PAK3: variants seen among roughly 807,000 people sequenced by gnomAD.
The protein encoded by PAK3 is serine/threonine-protein kinase PAK 3.
PAK3 carries 4 observed loss-of-function variants against 41.0 expected under a neutral mutation model. That is an observed-to-expected ratio of 0.10 (90% confidence interval 0.05 to 0.22). The LOEUF (loss-of-function observed/expected upper bound fraction) is 0.22. PAK3 is among the 10% of genes least tolerant of loss of function. The pLI, the probability that PAK3 is intolerant of heterozygous loss-of-function variation, is 1.00. For missense variants in PAK3, 205 were observed against 409.9 expected, an observed-to-expected ratio of 0.50 and a Z score of 4.32; for synonymous variants, 146 against 139.6, an observed-to-expected ratio of 1.05 and a Z score of -0.32.
At chrX:110,949,216 T>C (rs1461186956) in intron 1 of PAK3, among the ~76,000 whole-genome samples, 1 of 111,400 alleles carries the variant, frequency 9.0e-6, no homozygotes, top group Admixed American at 9.5e-5. Flanking sequence ...GGCTCTCACA[T>C]TGCAGTTTTA....
intron 11 of PAK3, among the ~76,000 whole-genome samples, chrX:111,178,970 T>TAG (rs1248394866): frequency 6.0e-5 from 5 of 82,916 alleles, no homozygotes; most frequent in African/African-American, 5.0e-4. Flanking sequence ...TATATATATA[T>TAG]ATATATATAT....
intron 4 of PAK3, among the ~76,000 whole-genome samples, chrX:111,107,369 A>C (rs890747092): frequency 8.9e-6 from 1 of 112,451 alleles, no homozygotes; most frequent in African/African-American, 3.2e-5. Context: ...CTGAAATTTC[A>C]ACAGCTGTTA....
At chrX:111,154,129 A>T (rs1230756318) in intron 8 of PAK3, among the ~76,000 whole-genome samples, 1 of 111,668 alleles carries the variant, frequency 9.0e-6, no homozygotes, top group Non-Finnish European at 1.9e-5. Context: ...ACTAGTTGCC[A>T]GGAGCTGGGA....
intron 1 of PAK3, among the ~76,000 whole-genome samples, chrX:111,027,313 A>T (rs939034044): frequency 1.3e-4 from 15 of 112,350 alleles, no homozygotes; most frequent in African/African-American, 4.5e-4. Flanking sequence ...AAAGATAAAT[A>T]GATGGGACTT....
chrX:111,000,476 G>A (rs1448767067), intron 1 of PAK3, among the ~76,000 whole-genome samples: 3 of 112,148 alleles, frequency 2.7e-5, no homozygotes, highest in Non-Finnish European at 3.8e-5. Flanking sequence ...GACAAAGGTT[G>A]AGGAAGCATC....
At chrX:111,125,230 G>A (rs971576594) in intron 5 of PAK3, among the ~76,000 whole-genome samples, 2 of 111,826 alleles carry the variant, frequency 1.8e-5, no homozygotes, top group Admixed American at 1.9e-4. Context: ...AACAGAGCCT[G>A]TCATTAATGT....
chrX:111,194,599 C>T (rs1419532578), intron 14 of PAK3, among the ~76,000 whole-genome samples, 181 bp downstream of exon 14: 1 of 111,784 alleles, frequency 8.9e-6, no homozygotes, highest in Non-Finnish European at 1.9e-5. Flanking sequence ...CATCACCCTC[C>T]TGAGCCTCTT....
intron 16 of PAK3, among the ~76,000 whole-genome samples, chrX:111,215,494 C>T (rs748321535): frequency 1.8e-5 from 2 of 110,685 alleles, no homozygotes; most frequent in Admixed American, 9.6e-5. Context: ...GAACTGAGAT[C>T]GTGCCCCGCA....
At chrX:111,086,990 C>A (rs1408021869) in intron 1 of PAK3, among the ~76,000 whole-genome samples, 15 of 111,096 alleles carry the variant, frequency 1.4e-4, no homozygotes, top group Non-Finnish European at 2.8e-4. Context: ...TGTTAGCGTA[C>A]TCTCCTAGCA....
intron 1 of PAK3, among the ~76,000 whole-genome samples, chrX:111,064,686 C>T (rs1363948412): frequency 3.6e-5 from 4 of 112,259 alleles, no homozygotes; most frequent in Admixed American, 1.9e-4. Flanking sequence ...TTTCTTTATC[C>T]AATCCACCAT....
chrX:110,966,134 TA>T (rs2091076607), intron 1 of PAK3, among the ~76,000 whole-genome samples: 1 of 112,121 alleles, frequency 8.9e-6, no homozygotes, highest in South Asian at 3.7e-4. Context: ...AAGAAATGTA[TA>T]TTTTTTTCAA....
intron 11 of PAK3, among the ~76,000 whole-genome samples, chrX:111,179,131 A>G (rs897949249): frequency 3.7e-5 from 4 of 108,571 alleles, no homozygotes; most frequent in East Asian, 2.9e-4. Flanking sequence ...TTCTACTCTC[A>G]TATTTCACGA....
intron 1 of PAK3, among the ~76,000 whole-genome samples, chrX:111,063,962 C>T (rs2092680803): frequency 8.9e-6 from 1 of 111,765 alleles, no homozygotes; most frequent in South Asian, 3.8e-4. Flanking sequence ...CTTGATTCAA[C>T]CCCTGAATAA....
Position 111,196,478 on chromosome X carries a change from G to A in PAK3, c.1245G>A (p.Glu415=). 1 of 1,210,834 alleles carries A rather than the reference G, an allele frequency of 8.3e-7. No homozygotes were observed. The highest frequency in any genetic ancestry group is 1.1e-6 in the Non-Finnish European group (1 of 894,465). ...DFGFCAQITP[E]QSKRSTMVGT... ...GGTTCTGTGCCCAGATCACTCCTGA[G>A]CAAAGTAAACGAAGCACTATGGTGG... The change falls in exon 16 of 18, where the codon GAG becomes GAA. Residue 415 remains glutamate, a synonymous_variant. Transcript: ENST00000372007.
At chrX:111,074,835 G>A (rs955658709) in intron 1 of PAK3, among the ~76,000 whole-genome samples, 3 of 112,039 alleles carry the variant, frequency 2.7e-5, no homozygotes, top group African/African-American at 9.7e-5. Context: ...GGTCTCAGAT[G>A]TAAATGAGGA....
Position 111,011,228 on chromosome X carries a change from C to T in PAK3, c.-28+66600C>T, listed in dbSNP as rs766792001. ...TGGGACTCCTAGACCACACGGCTTG[C>T]CAATTTCCTGATTCCTCGAAATGAA... is the stretch of plus-strand genomic sequence containing the variant. On this transcript the variant is annotated intron_variant, in intron 1 of 14. Coordinates refer to the PAK3 transcript ENST00000425146. Among the ~76,000 whole-genome samples, 249 of 111,174 alleles carry T rather than the reference C, an allele frequency of 2.2e-3. 2 individuals carry two copies. Among genetic ancestry groups the T allele is most frequent in the Non-Finnish European group, 7.7e-4 (41 of 52,991 alleles).
chrX:111,019,197 T>C (rs1263039701), intron 1 of PAK3, among the ~76,000 whole-genome samples: 1 of 111,619 alleles, frequency 9.0e-6, no homozygotes, highest in African/African-American at 3.3e-5. Context: ...AATGATTTAT[T>C]GTATATGACA....
At chrX:111,181,940 G>GAGAT (rs778739190) in intron 11 of PAK3, among the ~76,000 whole-genome samples, 1 of 111,593 alleles carries the variant, frequency 9.0e-6, no homozygotes, top group African/African-American at 3.2e-5. Flanking sequence ...TGTGATGTAG[G>GAGAT]AGATTGGAAA....
chrX:110,965,793 C>T (rs2091069885), intron 1 of PAK3, among the ~76,000 whole-genome samples: 1 of 112,190 alleles, frequency 8.9e-6, no homozygotes, highest in Non-Finnish European at 1.9e-5. Context: ...CTTCTAAGTA[C>T]TTTACACACT....
Sources: gnomAD v4.1 joint callset for allele counts (sites outside exome capture counted in the v4.1 genomes callset) on GRCh38, gnomAD v4.1.1 for gene constraint, MANE v1.5 for transcripts, NCBI Gene and HGNC (gene_info 2026-07-23, HGNC 2026-07-21) for gene names.